The following METTL15 variants were observed in gnomAD, a reference collection of about 807,000 sequenced individuals.
The protein encoded by METTL15 is methyltransferase 15, mitochondrial 12S rRNA N4-cytidine.
METTL15 carries 34 observed loss-of-function variants against 38.3 expected under a neutral mutation model. That is an observed-to-expected ratio of 0.89 (90% confidence interval 0.68 to 1.18). METTL15 has a LOEUF of 1.18. Ranked by LOEUF, METTL15 falls within the 50% of genes most tolerant of loss-of-function variation. The probability of loss-of-function intolerance (pLI) is 0.00; values close to 1 mark genes in which losing one functional copy is unlikely to be tolerated. For synonymous variants in METTL15, 162 were observed against 170.9 expected (o/e 0.95, Z 0.41); for missense variants, 438 against 498.4 (o/e 0.88, Z 1.15).
chr11:28,346,340 A>G (rs146493925), intron 3 of METTL15, among the ~76,000 whole-genome samples: 1 of 152,340 alleles, frequency 6.6e-6, no homozygotes, highest in African/African-American at 2.4e-5. Flanking sequence ...CAGTTAATAA[A>G]TGTAAATAAG....
At chr11:28,122,143 G>A in intron 3 of METTL15, 1 of 1,235,870 alleles carries the variant, frequency 8.1e-7, no homozygotes, top group African/African-American at 1.6e-5. Context: ...CTCTTACAGA[G>A]TCTTGGTGTG....
intron 3 of METTL15, among the ~76,000 whole-genome samples, chr11:28,191,616 G>A (rs1851703360): frequency 1.3e-5 from 2 of 151,464 alleles, no homozygotes; most frequent in Non-Finnish European, 3.0e-5. Context: ...GTAATCTAGT[G>A]TCTAATTATG....
intron 6 of METTL15, among the ~76,000 whole-genome samples, chr11:28,329,957 T>C (rs566807204): frequency 1.3e-5 from 2 of 152,308 alleles, no homozygotes; most frequent in South Asian, 4.1e-4. Flanking sequence ...TTCTTCTTTA[T>C]GTAATGAATT....
chr11:28,368,455 C>G (rs1850210979), intron 5 of METTL15, among the ~76,000 whole-genome samples: 1 of 152,084 alleles, frequency 6.6e-6, no homozygotes, highest in Admixed American at 6.5e-5. Flanking sequence ...CAGTGAGATA[C>G]CATCTCACGC....
chr11:28,341,762 G>A (rs942489040), intron 3 of METTL15, among the ~76,000 whole-genome samples: 1 of 152,120 alleles, frequency 6.6e-6, no homozygotes, highest in African/African-American at 2.4e-5. Flanking sequence ...GTAAAATGAT[G>A]GAGTTTGTAT....
intron 3 of METTL15, among the ~76,000 whole-genome samples, chr11:28,174,847 A>C (rs1191899657): frequency 1.3e-5 from 2 of 151,244 alleles, no homozygotes; most frequent in Non-Finnish European, 3.0e-5. Flanking sequence ...AAAGCAAAAA[A>C]AGCAAATCTC....
intron 3 of METTL15, chr11:28,163,603 C>T (rs745742140): frequency 1.3e-5 from 5 of 394,922 alleles, no homozygotes; most frequent in South Asian, 1.4e-4. Flanking sequence ...TGTATTTCCT[C>T]ACCTTCAATG....
At chr11:28,424,095 G>A (rs1191880597) in intron 5 of METTL15, among the ~76,000 whole-genome samples, 1 of 151,946 alleles carries the variant, frequency 6.6e-6, no homozygotes, top group East Asian at 1.9e-4. Flanking sequence ...TGTTCAATAT[G>A]TTCTCCCTAC....
chr11:28,123,915 C>T, intron 3 of METTL15: 1 of 1,434,320 alleles, frequency 7.0e-7, no homozygotes, highest in Non-Finnish European at 9.3e-7. Context: ...GAGAATTTCC[C>T]ACTTGAGGCG....
intron 4 of METTL15, among the ~76,000 whole-genome samples, chr11:28,243,995 G>A (rs1403931976): frequency 6.6e-6 from 1 of 152,074 alleles, no homozygotes; most frequent in Non-Finnish European, 1.5e-5. Flanking sequence ...AGCTGATTGG[G>A]TCAATTGGCT....
intron 3 of METTL15, among the ~76,000 whole-genome samples, chr11:28,119,236 G>A (rs1322174225): frequency 6.6e-6 from 1 of 152,158 alleles, no homozygotes; most frequent in African/African-American, 2.4e-5. Context: ...TCTCTTAGTA[G>A]ATTGCCCTCC....
At position 28,157,470 on chromosome 11, in the gene METTL15, C is replaced by T. The variant is rs185436772; in HGVS notation, c.270+43866C>T. 2.5e-4 allele frequency among the ~76,000 whole-genome samples: 38 copies of T among 152,250 alleles called. 2 individuals carry two copies. The East Asian group carries it at 6.8e-3, about 27-fold the overall frequency. On this transcript the variant is annotated intron_variant, in intron 3 of 6. Coordinates refer to ENST00000407364, the MANE Select transcript of METTL15 (RefSeq NM_001113528.2). ...CCCCATAGGTGAGTCACAGAGGATG[C>T]CGCTAGGATTTTGGAGCAAGGCCCT...
At chr11:28,313,986 T>A (rs752641791) in intron 6 of METTL15, among the ~76,000 whole-genome samples, 13 of 152,276 alleles carry the variant, frequency 8.5e-5, no homozygotes, top group Non-Finnish European at 8.8e-5. Flanking sequence ...GGGCACTATT[T>A]CTACAGCAAT....
chr11:28,421,939 C>T (rs771737412), intron 5 of METTL15, among the ~76,000 whole-genome samples: 61 of 151,772 alleles, frequency 4.0e-4, no homozygotes, highest in Non-Finnish European at 7.5e-4. Context: ...TTTGGAATAC[C>T]GTATAGACCC....
chr11:28,373,578 T>C (rs1278418464), intron 5 of METTL15, among the ~76,000 whole-genome samples: 1 of 152,212 alleles, frequency 6.6e-6, no homozygotes, highest in Non-Finnish European at 1.5e-5. Flanking sequence ...GCCTGTTCAC[T>C]CTGATGGTAG....
downstream of METTL15, among the ~76,000 whole-genome samples, chr11:28,532,010 G>A (rs1318815361): frequency 6.6e-6 from 1 of 152,024 alleles, no homozygotes; most frequent in East Asian, 1.9e-4. Flanking sequence ...CCATGGAGAT[G>A]AAGCTCTTTT....
chr11:28,474,167 T>C (rs1366702670), intron 6 of METTL15, among the ~76,000 whole-genome samples: 2 of 141,144 alleles, frequency 1.4e-5, no homozygotes, highest in South Asian at 4.3e-4. Flanking sequence ...TATTTATAAA[T>C]CTATCCTTAA....
At chr11:28,245,122 C>A (rs1034494729) in intron 4 of METTL15, among the ~76,000 whole-genome samples, 2 of 152,086 alleles carry the variant, frequency 1.3e-5, no homozygotes, top group Non-Finnish European at 2.9e-5. Context: ...CGTTGGGAAT[C>A]AAAAATGCAA....
intron 4 of METTL15, among the ~76,000 whole-genome samples, chr11:28,254,370 A>G (rs1854884502): frequency 6.6e-6 from 1 of 152,078 alleles, no homozygotes; most frequent in South Asian, 2.1e-4. Context: ...CTCCTTATAT[A>G]TTCTGGTTGT....
Sources: gnomAD v4.1 joint callset for allele counts (sites outside exome capture counted in the v4.1 genomes callset) on GRCh38, gnomAD v4.1.1 for gene constraint, MANE v1.5 for transcripts, NCBI Gene and HGNC (gene_info 2026-07-23, HGNC 2026-07-21) for gene names.